The following ARAP2 variants were observed in gnomAD, a reference collection of about 807,000 sequenced individuals.
ARAP2 encodes the protein ArfGAP with RhoGAP domain, ankyrin repeat and PH domain 2.
In ARAP2, 148 loss-of-function variants were observed where a neutral mutation model predicts 194.5. The ratio of observed to expected loss-of-function variants is 0.76; its 90% CI spans 0.67 to 0.87. The LOEUF is 0.87. Among genes scored for constraint, ARAP2 ranks in the 40% least tolerant of loss-of-function variants. The pLI is 0.00. For missense variants in ARAP2, 2,128 were observed against 1,989.7 expected (o/e 1.07, Z -1.32); for synonymous variants, 695 against 683.5 (o/e 1.02, Z -0.26).
intron 32 of ARAP2, among the ~76,000 whole-genome samples, chr4:36,069,481 A>G (rs1018757656): frequency 2.6e-5 from 4 of 152,130 alleles, no homozygotes; most frequent in Non-Finnish European, 5.9e-5. Context: ...ATTCCATGAT[A>G]TATGTATTTT....
intron 19 of ARAP2, among the ~76,000 whole-genome samples, chr4:36,145,669 G>GC (rs1729465111): frequency 6.6e-6 from 1 of 151,832 alleles, no homozygotes; most frequent in African/African-American, 2.4e-5. Context: ...GTAGATATGT[G>GC]CCCCTTGAAT....
chr4:36,097,013 A>G (rs896026610), intron 27 of ARAP2, among the ~76,000 whole-genome samples: 3 of 152,158 alleles, frequency 2.0e-5, no homozygotes, highest in Non-Finnish European at 4.4e-5. Flanking sequence ...ACCTTCTGAC[A>G]GTACTTTTCA....
intron 6 of ARAP2, among the ~76,000 whole-genome samples, chr4:36,203,606 C>CA (rs1338063283): frequency 9.3e-5 from 14 of 150,270 alleles, no homozygotes; most frequent in Admixed American, 6.0e-4. Context: ...CAAAACAAAA[C>CA]AAAAAAAACT....
At position 36,210,659 on chromosome 4, in the gene ARAP2, C is replaced by T; in HGVS notation, c.1218G>A (p.Leu406=). 1 of 1,613,336 alleles carries T rather than the reference C, an allele frequency of 6.2e-7. No homozygotes were observed. Among genetic ancestry groups the T allele is most frequent in the Non-Finnish European group, 8.5e-7 (1 of 1,179,744 alleles). ...WIPREDKNNF[L]IDTASESEYS... Reference sequence around the variant, plus strand: ...ATTCTGATTCAGAAGCAGTGTCTATCAAAAAATTGTTTTTGTCCTCTCGAG... The same window carrying T: ...ATTCTGATTCAGAAGCAGTGTCTATTAAAAAATTGTTTTTGTCCTCTCGAG... Residue 406 remains leucine, a synonymous_variant, in exon 6 of 33, where the codon TTG becomes TTA. Transcript: ENST00000303965.
chr4:36,156,401 AAG>A (rs1732437218), intron 15 of ARAP2, among the ~76,000 whole-genome samples: 1 of 12,824 alleles, frequency 7.8e-5, no homozygotes, highest in Non-Finnish European at 1.2e-4. Context: ...GAAAGAAAGA[AAG>A]AAAGAAAGAA....
chr4:36,151,506 C>T (rs17516600), intron 15 of ARAP2, among the ~76,000 whole-genome samples: 89,010 of 151,996 alleles, frequency 0.59, 26,598 homozygotes, highest in East Asian at 0.84. Context: ...CAGCACATTA[C>T]CACCTGCAGG....
intron 31 of ARAP2, among the ~76,000 whole-genome samples, chr4:36,074,321 G>T (rs917067511): frequency 1.4e-4 from 22 of 152,014 alleles, no homozygotes; most frequent in African/African-American, 5.3e-4. Flanking sequence ...GAATTCCAAA[G>T]AAATATAATC....
At chr4:36,036,284 G>A (rs1183631403) in intron 5 of ARAP2, among the ~76,000 whole-genome samples, 1 of 152,010 alleles carries the variant, frequency 6.6e-6, no homozygotes, top group Non-Finnish European at 1.5e-5. Context: ...ATGTTTACTA[G>A]TTTAAATCTT....
chr4:36,243,383 CA>C (rs71201008), intron 1 of ARAP2, among the ~76,000 whole-genome samples: 1,893 of 84,868 alleles, frequency 0.022, 8 homozygotes, highest in African/African-American at 0.065. Context: ...GACAAGCTTG[CA>C]AAAAAAAAAA....
chr4:36,210,817 T>C, intron 5 of ARAP2, 74 bp from the exon 6 acceptor site: 1 of 1,070,984 alleles, frequency 9.3e-7, no homozygotes, highest in Non-Finnish European at 1.3e-6. Flanking sequence ...TTTGAAAATT[T>C]ATAAATAACT....
At chr4:36,132,674 A>G (rs1207718038) in intron 20 of ARAP2, among the ~76,000 whole-genome samples, 1 of 151,794 alleles carries the variant, frequency 6.6e-6, no homozygotes, top group Non-Finnish European at 1.5e-5. Context: ...GTACAGATCA[A>G]TGTATTTTTT....
intron 15 of ARAP2, among the ~76,000 whole-genome samples, chr4:36,158,398 A>G (rs1410055931): frequency 6.6e-6 from 1 of 152,140 alleles, no homozygotes; most frequent in Non-Finnish European, 1.5e-5. Flanking sequence ...ATTTATCTAC[A>G]TTATCTGGTG....
chr4:36,229,645 C>T lies in ARAP2; in HGVS notation c.-159G>A. 1 of 489,246 alleles carries T rather than the reference C, an allele frequency of 2.0e-6. No homozygotes were observed. Among genetic ancestry groups the T allele is most frequent in the African/African-American group, 1.9e-5 (1 of 51,300 alleles). 30.3% of individuals were successfully genotyped at this position (489,246 alleles called of 1,614,324 possible). A position where few individuals can be genotyped will look rare whatever the true frequency, so the allele number is the denominator to read the frequency against. On this transcript the variant is annotated splice_region_variant and 5_prime_UTR_variant, in exon 2 of 33. Coordinates refer to ENST00000303965, the MANE Select transcript of ARAP2 (RefSeq NM_015230.4). Reference sequence around the variant, plus strand: ...ACAGTGACTGCTTTACCTGCTTAAGCCTAGAAAAAAATAAAAAATGATTCA... The same window carrying T: ...ACAGTGACTGCTTTACCTGCTTAAGTCTAGAAAAAAATAAAAAATGATTCA...
chr4:36,042,585 T>G (rs1721047331), intron 5 of ARAP2, among the ~76,000 whole-genome samples: 1 of 152,210 alleles, frequency 6.6e-6, no homozygotes, highest in Non-Finnish European at 1.5e-5. Context: ...TACTTTATAA[T>G]GTCTTTCTTT....
chr4:36,100,984 CA>C (rs1407384469), intron 27 of ARAP2, among the ~76,000 whole-genome samples: 2 of 151,744 alleles, frequency 1.3e-5, no homozygotes, highest in African/African-American at 4.8e-5. Flanking sequence ...CAACCAATAG[CA>C]CATCAAAAAA....
At chr4:36,183,918 T>C (rs1205602449) in intron 8 of ARAP2, among the ~76,000 whole-genome samples, 1 of 152,150 alleles carries the variant, frequency 6.6e-6, no homozygotes, top group Non-Finnish European at 1.5e-5. Flanking sequence ...CTATTGTATA[T>C]AGATCATTCA....
intron 27 of ARAP2, among the ~76,000 whole-genome samples, chr4:36,104,223 T>C (rs1434779609): frequency 1.3e-5 from 2 of 151,898 alleles, no homozygotes; most frequent in East Asian, 1.9e-4. Flanking sequence ...ATTCTGATGA[T>C]TTCTACTTGG....
At chr4:36,139,344 T>C (rs970742848) in intron 19 of ARAP2, among the ~76,000 whole-genome samples, 1 of 151,672 alleles carries the variant, frequency 6.6e-6, no homozygotes, top group African/African-American at 2.4e-5. Context: ...ATATTTTAAA[T>C]ATTAAACTGA....
chr4:36,208,850 T>C (rs539833273), intron 6 of ARAP2, among the ~76,000 whole-genome samples: 2 of 152,156 alleles, frequency 1.3e-5, no homozygotes, highest in East Asian at 3.9e-4. Flanking sequence ...GGGGGAGCTT[T>C]AGGACAGAAA....
Sources: allele counts gnomAD v4.1 joint callset (sites outside exome capture counted in the v4.1 genomes callset), GRCh38; gene constraint gnomAD v4.1.1; transcripts MANE v1.5; gene names NCBI Gene and HGNC (gene_info 2026-07-23, HGNC 2026-07-21).